Variants in ASPRV1 observed in about 807,000 individuals in gnomAD.
ASPRV1 encodes retroviral-like aspartic protease 1.
Under a neutral mutation model 11.0 loss-of-function variants are expected in ASPRV1, and 7 were observed. The ratio of observed to expected loss-of-function variants is 0.64; its 90% CI spans 0.36 to 1.20. ASPRV1 has a LOEUF of 1.20. Among genes scored for constraint, ASPRV1 ranks in the 50% most tolerant of loss-of-function variants. The pLI is 0.02. For synonymous variants in ASPRV1, 136 were observed against 138.4 expected (o/e 0.98, Z 0.12); for missense variants, 299 against 320.0 (o/e 0.93, Z 0.50).
the ASPRV1 span, among the ~76,000 whole-genome samples, chr2:70,026,602 T>C: frequency 2.0e-5 from 3 of 148,716 alleles, no homozygotes; most frequent in Admixed American, 6.7e-5. Flanking sequence ...CCACTAACAA[T>C]AGCAAAAAAA....
upstream of ASPRV1, among the ~76,000 whole-genome samples, chr2:69,966,096 T>C (rs908639068): frequency 2.0e-5 from 3 of 152,180 alleles, no homozygotes; most frequent in Admixed American, 2.0e-4. Flanking sequence ...TGGAGGTGTT[T>C]GGGGAGCAGT....
chr2:69,981,511 C>T, the ASPRV1 span, among the ~76,000 whole-genome samples: 1 of 152,094 alleles, frequency 6.6e-6, no homozygotes, highest in Non-Finnish European at 1.5e-5. Flanking sequence ...TAAATTTTTA[C>T]ACAAAGAAAT....
chr2:70,075,560 C>T, the ASPRV1 span, among the ~76,000 whole-genome samples: 9 of 152,030 alleles, frequency 5.9e-5, no homozygotes, highest in Admixed American at 1.3e-4. Flanking sequence ...AAATTCTCAA[C>T]GTGTGGCCAG....
chr2:69,999,279 G>A, the ASPRV1 span, among the ~76,000 whole-genome samples: 6 of 150,798 alleles, frequency 4.0e-5, no homozygotes, highest in Non-Finnish European at 8.9e-5. Context: ...GCTAGATTAA[G>A]ATTCAAATTA....
the ASPRV1 span, among the ~76,000 whole-genome samples, chr2:69,987,747 C>T: frequency 1.3e-5 from 2 of 152,100 alleles, no homozygotes; most frequent in African/African-American, 4.8e-5. Context: ...AACCCTGTTT[C>T]AATAAATAAA....
the ASPRV1 span, among the ~76,000 whole-genome samples, chr2:70,009,950 G>A: frequency 1.3e-5 from 2 of 152,202 alleles, no homozygotes; most frequent in Non-Finnish European, 2.9e-5. Flanking sequence ...CAGCACTGCT[G>A]CTATAGGAGT....
chr2:70,052,908 T>C, the ASPRV1 span, among the ~76,000 whole-genome samples: 6 of 152,160 alleles, frequency 3.9e-5, no homozygotes, highest in Admixed American at 1.3e-4. Context: ...GCTCATCATA[T>C]GGAGGTGAAA....
chr2:70,034,580 AAAAAAG>A, the ASPRV1 span, among the ~76,000 whole-genome samples: 3 of 152,090 alleles, frequency 2.0e-5, no homozygotes, highest in Admixed American at 1.3e-4. Flanking sequence ...CAAAAAAAAA[AAAAAAG>A]AAAGAAAATC....
the ASPRV1 span, among the ~76,000 whole-genome samples, chr2:70,064,798 A>T: frequency 6.6e-6 from 1 of 152,218 alleles, no homozygotes; most frequent in East Asian, 1.9e-4. Context: ...ACAATGAATA[A>T]AACAAACAAT....
chr2:70,018,259 C>T, the ASPRV1 span: 4 of 151,776 alleles, frequency 2.6e-5, no homozygotes, highest in Admixed American at 1.3e-4. Context: ...GAAACACTGA[C>T]GAAAGAAACT....
At chr2:70,035,326 T>A in the ASPRV1 span, among the ~76,000 whole-genome samples, 7 of 152,230 alleles carry the variant, frequency 4.6e-5, no homozygotes, top group East Asian at 1.4e-3. Flanking sequence ...TCTGTGGAAT[T>A]ACCAGCTCAC....
the ASPRV1 span, among the ~76,000 whole-genome samples, chr2:70,013,524 T>C: frequency 8.4e-3 from 1,279 of 152,118 alleles, 55 homozygotes; most frequent in Admixed American, 0.075. Context: ...TTAAAGAGAG[T>C]TGCAAAACTA....
the ASPRV1 span, among the ~76,000 whole-genome samples, chr2:69,969,650 C>T: frequency 4.6e-5 from 7 of 152,122 alleles, no homozygotes; most frequent in African/African-American, 1.4e-4. Flanking sequence ...CCATCCTCTC[C>T]CCACTGCCCC....
At chr2:69,939,138 CT>C in the ASPRV1 span, 163 of 150,968 alleles carry the variant, frequency 1.1e-3, no homozygotes, top group South Asian at 2.5e-3. Context: ...AGTGATTATC[CT>C]TTTTTCCCCC....
the ASPRV1 span, among the ~76,000 whole-genome samples, chr2:70,057,809 T>C: frequency 6.6e-6 from 1 of 151,764 alleles, no homozygotes. Context: ...TTGTTTTTTT[T>C]TTTTAGACAG....
chr2:70,045,064 T>C, the ASPRV1 span, among the ~76,000 whole-genome samples: 1 of 152,252 alleles, frequency 6.6e-6, no homozygotes, highest in African/African-American at 2.4e-5. Context: ...CATCTCTATA[T>C]ATAGAATCTA....
the ASPRV1 span, among the ~76,000 whole-genome samples, chr2:69,995,093 A>G: frequency 6.6e-6 from 1 of 150,682 alleles, no homozygotes; most frequent in Non-Finnish European, 1.5e-5. Flanking sequence ...TTGTTTTGAC[A>G]AAACTTTTGC....
chr2:70,008,874 T>G, the ASPRV1 span, among the ~76,000 whole-genome samples: 3 of 152,126 alleles, frequency 2.0e-5, no homozygotes, highest in Non-Finnish European at 2.9e-5. Flanking sequence ...TTCCATCGTT[T>G]CCAGTCAAGG....
chr2:70,086,517 G>GA, the ASPRV1 span: 1 of 152,178 alleles, frequency 6.6e-6, no homozygotes, highest in Admixed American at 6.5e-5. Flanking sequence ...TGACGGGGCC[G>GA]CCCCCCTTGA....
Sources: gnomAD v4.1 joint callset for allele counts (sites outside exome capture counted in the v4.1 genomes callset) on GRCh38, gnomAD v4.1.1 for gene constraint, MANE v1.5 for transcripts, NCBI Gene and HGNC (gene_info 2026-07-23, HGNC 2026-07-21) for gene names.